The following VSTM2L variants were observed in gnomAD, a reference collection of about 807,000 sequenced individuals.
The protein encoded by VSTM2L is V-set and transmembrane domain-containing protein 2-like protein.
Under a neutral mutation model 19.9 loss-of-function variants are expected in VSTM2L, and 9 were observed. The observed-to-expected ratio is 0.45, with a 90% confidence interval of 0.27 to 0.79. The LOEUF (loss-of-function observed/expected upper bound fraction) is 0.79. Ranked by LOEUF, VSTM2L falls within the 30% of genes least tolerant of loss-of-function variation. The pLI is 0.15. For synonymous variants in VSTM2L, 127 were observed against 133.8 expected (o/e 0.95, Z 0.35); for missense variants, 286 against 295.5 (o/e 0.97, Z 0.24).
At chr20:37,935,477 C>T (rs8115275) in intron 3 of VSTM2L, among the ~76,000 whole-genome samples, 1 of 152,170 alleles carries the variant, frequency 6.6e-6, no homozygotes, top group Non-Finnish European at 1.5e-5. Flanking sequence ...ACCTCACCCC[C>T]CTTCCCCTCC....
intron 1 of VSTM2L, among the ~76,000 whole-genome samples, chr20:37,910,860 T>A (rs2072775340): frequency 6.7e-6 from 1 of 148,294 alleles, no homozygotes; most frequent in South Asian, 2.1e-4. Flanking sequence ...AAGGCTGCAG[T>A]GAGCTGTGAT....
intron 2 of VSTM2L, among the ~76,000 whole-genome samples, chr20:37,932,259 A>G (rs2072914655): frequency 6.6e-6 from 1 of 152,166 alleles, no homozygotes; most frequent in African/African-American, 2.4e-5. Flanking sequence ...CCAGGCTCCC[A>G]GCACACCCTT....
intron 1 of VSTM2L, among the ~76,000 whole-genome samples, chr20:37,914,430 A>ATGTGTGT: frequency 9.0e-4 from 1 of 1,116 alleles, no homozygotes; most frequent in Non-Finnish European, 1.8e-3. Flanking sequence ...ATATGTGTGT[A>ATGTGTGT]TTGTGTGTAT....
At chr20:37,927,500 G>A (rs1048072837) in intron 1 of VSTM2L, among the ~76,000 whole-genome samples, 4 of 152,128 alleles carry the variant, frequency 2.6e-5, no homozygotes, top group East Asian at 1.9e-4. Context: ...GCCGTGTGGC[G>A]GGGTCCTCCC....
intron 3 of VSTM2L, among the ~76,000 whole-genome samples, chr20:37,942,580 A>G (rs924386296): frequency 2.0e-5 from 3 of 152,246 alleles, no homozygotes; most frequent in Non-Finnish European, 4.4e-5. Context: ...CCCATACAAG[A>G]GTTCCAAAAC....
intron 3 of VSTM2L, among the ~76,000 whole-genome samples, chr20:37,936,079 A>G (rs1197532571): frequency 2.1e-5 from 3 of 143,820 alleles, no homozygotes; most frequent in Admixed American, 1.4e-4. Flanking sequence ...TATTTTTAGT[A>G]GAGACAGGGT....
At chr20:37,934,198 C>T (rs2072926783) in intron 3 of VSTM2L, among the ~76,000 whole-genome samples, 1 of 152,216 alleles carries the variant, frequency 6.6e-6, no homozygotes, top group Non-Finnish European at 1.5e-5. Context: ...AGGGCTGAAG[C>T]TCTTTGTCAC....
chr20:37,925,131 T>A lies in VSTM2L; in HGVS notation c.122-6504T>A, dbSNP rs1162796248. The stretch of plus-strand genomic sequence containing the variant: ...CAGGAAAGGAAATGGATTTTTTTTT[T>A]AAACGAAGCTTTCTTTCCTGCCTCC... On this transcript the variant is annotated intron_variant, in intron 1 of 3. Transcript: ENST00000373461. Among the ~76,000 whole-genome samples, 3 of 152,042 alleles carry A rather than the reference T, an allele frequency of 2.0e-5. No individual in the cohort carries two copies. In the East Asian group the frequency reaches 5.8e-4, roughly 29 times the overall value.
chr20:37,914,155 GTA>G (rs2072797158), intron 1 of VSTM2L, among the ~76,000 whole-genome samples: 1 of 151,766 alleles, frequency 6.6e-6, no homozygotes, highest in Non-Finnish European at 1.5e-5. Flanking sequence ...GTGCGTGTGT[GTA>G]TGTGTGTGGT....
chr20:37,933,420 C>G (rs576729581), intron 2 of VSTM2L, 119 bp from the exon 3 acceptor site: 7 of 814,194 alleles, frequency 8.6e-6, no homozygotes, highest in Non-Finnish European at 1.2e-5. Context: ...CATCTGCTGT[C>G]GTGAGAATCT....
rs766203469 is a variant in VSTM2L, at chr20:37,944,154, T to C, written c.516T>C (p.His172=). 3.1e-6 allele frequency: 5 copies of C among 1,593,624 alleles called. No homozygotes were observed. Among genetic ancestry groups the C allele is most frequent in the Admixed American group, 1.7e-5 (1 of 57,882 alleles). Residue 172 remains histidine (H), a synonymous_variant, in exon 4 of 4, where the codon CAT becomes CAC. Coordinates refer to ENST00000373461, the MANE Select transcript of VSTM2L (RefSeq NM_080607.3). ...AGCCAGGGGAGAACTCCGTCCTGCATCTGCCCGAAGCCCCTCCCGCCGCGC... is the reference window on the plus strand; with the variant it reads ...AGCCAGGGGAGAACTCCGTCCTGCACCTGCCCGAAGCCCCTCCCGCCGCGC... ...RVQPGENSVL[H]LPEAPPAAPA...
intron 1 of VSTM2L, among the ~76,000 whole-genome samples, chr20:37,919,185 T>G (rs2072836656): frequency 6.6e-6 from 1 of 152,220 alleles, no homozygotes; most frequent in African/African-American, 2.4e-5. Context: ...TACTGCACGC[T>G]GAGGCAGACA....
intron 1 of VSTM2L, among the ~76,000 whole-genome samples, chr20:37,918,623 A>T (rs2072833461): frequency 6.6e-6 from 1 of 152,230 alleles, no homozygotes. Flanking sequence ...AAGGGGAAAG[A>T]TGCTTTGAAA....
intron 3 of VSTM2L, among the ~76,000 whole-genome samples, chr20:37,935,444 C>T (rs1420137031): frequency 6.6e-6 from 1 of 152,174 alleles, no homozygotes; most frequent in African/African-American, 2.4e-5. Context: ...CTCTGCCCAC[C>T]CTCCAGCCTC....
At chr20:37,922,568 C>T (rs1476378860) in intron 1 of VSTM2L, among the ~76,000 whole-genome samples, 2 of 152,200 alleles carry the variant, frequency 1.3e-5, no homozygotes, top group Admixed American at 1.3e-4. Flanking sequence ...CTGCCCCTGC[C>T]ACCAGTCCCC....
At chr20:37,922,147 T>C (rs1443141220) in intron 1 of VSTM2L, among the ~76,000 whole-genome samples, 1 of 152,080 alleles carries the variant, frequency 6.6e-6, no homozygotes, top group African/African-American at 2.4e-5. Context: ...GTCCAGAAAT[T>C]GTTCATCATC....
chr20:37,939,908 A>C (rs2072962062), intron 3 of VSTM2L, among the ~76,000 whole-genome samples: 1 of 152,152 alleles, frequency 6.6e-6, no homozygotes, highest in African/African-American at 2.4e-5. Flanking sequence ...AGAGAGGAAG[A>C]GCTCGTGTTC....
intron 1 of VSTM2L, among the ~76,000 whole-genome samples, chr20:37,928,181 C>CCCCTGGTG (rs1160310389): frequency 6.6e-6 from 1 of 152,132 alleles, no homozygotes; most frequent in Non-Finnish European, 1.5e-5. Flanking sequence ...TTTGCAAATG[C>CCCCTGGTG]CCCTGGTGCC....
chr20:37,933,251 T>C (rs956758180), intron 2 of VSTM2L, among the ~76,000 whole-genome samples: 8 of 152,210 alleles, frequency 5.3e-5, no homozygotes, highest in Admixed American at 1.3e-4. Context: ...CTGTTCACAC[T>C]CCCTCCAATA....
Sources: gnomAD v4.1 joint callset for allele counts (sites outside exome capture counted in the v4.1 genomes callset) on GRCh38, gnomAD v4.1.1 for gene constraint, MANE v1.5 for transcripts, NCBI Gene and HGNC (gene_info 2026-07-23, HGNC 2026-07-21) for gene names.